Variants in HTR1F observed in about 807,000 individuals in gnomAD.
The protein encoded by HTR1F is 5-hydroxytryptamine (serotonin) receptor 1F, G protein-coupled.
In HTR1F, 17 loss-of-function variants were observed where a neutral mutation model predicts 24.0. The ratio of observed to expected loss-of-function variants is 0.71; its 90% CI spans 0.48 to 1.06. The LOEUF (loss-of-function observed/expected upper bound fraction) is 1.06. Among genes scored for constraint, HTR1F ranks in the 50% least tolerant of loss-of-function variants. The pLI, the probability that HTR1F is intolerant of heterozygous loss-of-function variation, is 0.00. For missense variants in HTR1F, 391 were observed against 427.8 expected (o/e 0.91, Z 0.76); for synonymous variants, 186 against 156.8 (o/e 1.19, Z -1.39).
At chr3:87,880,463 C>T (rs988807953) in intron 2 of HTR1F, among the ~76,000 whole-genome samples, 5 of 152,020 alleles carry the variant, frequency 3.3e-5, no homozygotes, top group African/African-American at 1.2e-4. Flanking sequence ...TCTTAGGATA[C>T]ATAGTGAGTA....
intron 2 of HTR1F, among the ~76,000 whole-genome samples, chr3:87,959,891 A>G (rs1705024477): frequency 6.6e-6 from 1 of 151,958 alleles, no homozygotes; most frequent in Admixed American, 6.6e-5. Context: ...TCATTTATAT[A>G]GAAAAAGATA....
rs556469712 is a variant in HTR1F, at chr3:87,887,125, A to G, written c.-43+65001A>G. Reference sequence around the variant, plus strand: ...ACAGCATGGGACTGATACCAAAACAAACATACAGACCAATGGAACAGAACA... The same window carrying G: ...ACAGCATGGGACTGATACCAAAACAGACATACAGACCAATGGAACAGAACA... On this transcript the variant is annotated intron_variant, in intron 2 of 2. Transcript: ENST00000319595. Among the ~76,000 whole-genome samples, 804 of 152,034 alleles carry G rather than the reference A, an allele frequency of 5.3e-3. 6 individuals are homozygous for G. The highest frequency in any genetic ancestry group is 0.018 in the African/African-American group (761 of 41,500).
rs1193690150 is a variant in HTR1F at position 87,932,868 on chromosome 3, C to A, written c.-42-57840C>A. On this transcript the variant is annotated intron_variant, in intron 2 of 2. Coordinates refer to ENST00000319595, the MANE Select transcript of HTR1F (RefSeq NM_001322209.2). ...ACTCATTTTATGAGGCCAGCATCAT[C>A]CTGATACCAAAGCCAGGCAGAGACA... 7.9e-5 allele frequency among the ~76,000 whole-genome samples: 12 copies of A among 151,714 alleles called. No individual in the cohort carries two copies. The East Asian group carries it at 2.3e-3, about 30-fold the overall frequency.
chr3:87,811,481 A>G (rs911088568), intron 1 of HTR1F, among the ~76,000 whole-genome samples: 23 of 152,354 alleles, frequency 1.5e-4, no homozygotes, highest in African/African-American at 5.3e-4. Flanking sequence ...TGATTTCTCA[A>G]ATGTCAATAG....
chr3:87,940,525 T>A (rs1704542951), intron 2 of HTR1F, among the ~76,000 whole-genome samples: 1 of 152,154 alleles, frequency 6.6e-6, no homozygotes, highest in South Asian at 2.1e-4. Flanking sequence ...GGAAGAATAT[T>A]CCATGCTCAT....
intron 2 of HTR1F, among the ~76,000 whole-genome samples, chr3:87,942,739 C>CT (rs1553680480): frequency 0.18 from 26,002 of 144,430 alleles, 2,539 homozygotes; most frequent in African/African-American, 0.29. Context: ...AAGCGGTGGC[C>CT]TTTTTTTTTT....
rs1387378246 is a variant in HTR1F at position 87,993,767 on chromosome 3, C to CG, written c.*1917_*1918insG. On this transcript the variant is annotated 3_prime_UTR_variant, in exon 3 of 3. Transcript: ENST00000319595. ...AAAAAGTCTACAGTCAATTTTATTG[C>CG]TGACGATGGGTAATCACTGATACTT... 1 of 166,976 alleles carries CG rather than the reference C, an allele frequency of 6.0e-6. No homozygotes were observed. Among genetic ancestry groups the CG allele is most frequent in the East Asian group, 1.9e-4 (1 of 5,194 alleles). The allele number at this position is 166,976 out of a possible 1,614,324, so 10.3% of individuals were successfully genotyped here. A position where few individuals can be genotyped will look rare whatever the true frequency, so the allele number is the denominator to read the frequency against.
chr3:87,982,259 A>G (rs2107514787), intron 2 of HTR1F, among the ~76,000 whole-genome samples: 1 of 152,334 alleles, frequency 6.6e-6, no homozygotes, highest in South Asian at 2.1e-4. Flanking sequence ...ATATTTTTAA[A>G]TATCTCAGAT....
At chr3:87,921,793 A>C (rs1390561443) in intron 2 of HTR1F, among the ~76,000 whole-genome samples, 2 of 151,936 alleles carry the variant, frequency 1.3e-5, no homozygotes, top group African/African-American at 4.8e-5. Context: ...CTTGTTTACC[A>C]TAGAAATATT....
intron 2 of HTR1F, among the ~76,000 whole-genome samples, chr3:87,952,509 G>T (rs1253438802): frequency 6.6e-6 from 1 of 151,908 alleles, no homozygotes; most frequent in Non-Finnish European, 1.5e-5. Flanking sequence ...AGTATTTTAA[G>T]ATTTAAAGAC....
At chr3:87,890,283 T>C (rs1414787121) in intron 2 of HTR1F, among the ~76,000 whole-genome samples, 2 of 152,232 alleles carry the variant, frequency 1.3e-5, no homozygotes. Flanking sequence ...TATATATGTT[T>C]GTACTTAATC....
At chr3:87,812,054 C>A (rs982960413) in intron 1 of HTR1F, among the ~76,000 whole-genome samples, 1 of 152,122 alleles carries the variant, frequency 6.6e-6, no homozygotes, top group African/African-American at 2.4e-5. Flanking sequence ...CCTAGCCATG[C>A]AGAACTGTGA....
At chr3:87,796,860 G>A (rs753687647) in intron 1 of HTR1F, among the ~76,000 whole-genome samples, 7 of 152,180 alleles carry the variant, frequency 4.6e-5, no homozygotes, top group Admixed American at 1.3e-4. Flanking sequence ...TTATAGATAT[G>A]CTTGCACTTA....
chr3:87,801,260 C>A (rs528947757), intron 1 of HTR1F, among the ~76,000 whole-genome samples: 53 of 152,232 alleles, frequency 3.5e-4, no homozygotes, highest in African/African-American at 1.3e-3. Context: ...TCAGTCTTTC[C>A]TTTCTTTTTG....
At chr3:87,971,056 G>A (rs1559652934) in intron 2 of HTR1F, among the ~76,000 whole-genome samples, 2 of 152,100 alleles carry the variant, frequency 1.3e-5, no homozygotes, top group African/African-American at 2.4e-5. Context: ...CATCCAAAGA[G>A]AAAATAGAAA....
intron 2 of HTR1F, among the ~76,000 whole-genome samples, chr3:87,933,563 GACAA>G (rs372758640): frequency 0.11 from 17,028 of 152,058 alleles, 1,160 homozygotes; most frequent in Non-Finnish European, 0.16. Context: ...ACCAATAACA[GACAA>G]ACAGAGAGCC....
chr3:87,897,109 C>G lies in HTR1F; in HGVS notation c.-43+74985C>G, dbSNP rs537439569. On this transcript the variant is annotated intron_variant, in intron 2 of 2. Transcript: ENST00000319595. ...TCACCTGTTAAAGATATTGAGCTCC[C>G]GTGTTCATTGCAACATTATTCACAA... 9.2e-5 allele frequency among the ~76,000 whole-genome samples: 14 copies of G among 151,890 alleles called. No homozygotes were observed. The South Asian group carries it at 1.7e-3, about 18-fold the overall frequency.
chr3:87,963,690 T>C (rs1354991355), intron 2 of HTR1F, among the ~76,000 whole-genome samples: 1 of 152,160 alleles, frequency 6.6e-6, no homozygotes, highest in Non-Finnish European at 1.5e-5. Flanking sequence ...GCTCTGAGTT[T>C]ATGATCCCTC....
chr3:87,937,867 T>C (rs1281742416), intron 2 of HTR1F, among the ~76,000 whole-genome samples: 1 of 148,262 alleles, frequency 6.7e-6, no homozygotes, highest in African/African-American at 2.5e-5. Context: ...GAGGTTGCAG[T>C]GAGCCGAGAT....
Sources: allele counts gnomAD v4.1 joint callset (sites outside exome capture counted in the v4.1 genomes callset), GRCh38; gene constraint gnomAD v4.1.1; transcripts MANE v1.5; gene names NCBI Gene and HGNC (gene_info 2026-07-23, HGNC 2026-07-21).